Variants in TANC2 observed in about 807,000 individuals in gnomAD.
TANC2 encodes the protein tetratricopeptide repeat, ankyrin repeat and coiled-coil containing 2, also known as protein TANC2.
TANC2 carries 26 observed loss-of-function variants against 210.5 expected under a neutral mutation model. The ratio of observed to expected loss-of-function variants is 0.12; its 90% confidence interval spans 0.09 to 0.17. The LOEUF (loss-of-function observed/expected upper bound fraction) is 0.17, where lower values mean the gene tolerates loss of function less well. Among genes scored for constraint, TANC2 ranks in the 10% least tolerant of loss-of-function variants. The pLI is 1.00. For missense variants in TANC2, 2,129 were observed against 2,608.9 expected (o/e 0.82, Z 4.01); for synonymous variants, 931 against 967.1 (o/e 0.96, Z 0.69).
intron 7 of TANC2, among the ~76,000 whole-genome samples, chr17:63,217,856 G>GATA (rs1244162098): frequency 6.6e-6 from 1 of 152,106 alleles, no homozygotes; most frequent in East Asian, 1.9e-4. Flanking sequence ...ATATAAAAAG[G>GATA]ATAATGTCTC....
intron 1 of TANC2, among the ~76,000 whole-genome samples, chr17:63,006,674 C>T (rs955328788): frequency 3.3e-5 from 5 of 151,992 alleles, no homozygotes; most frequent in African/African-American, 1.2e-4. Flanking sequence ...AACATATGGT[C>T]CATTTTGGTA....
chr17:63,141,006 T>G (rs187929525), intron 4 of TANC2, among the ~76,000 whole-genome samples: 1 of 151,976 alleles, frequency 6.6e-6, no homozygotes, highest in Non-Finnish European at 1.5e-5. Flanking sequence ...TGCCTTGGCC[T>G]CCCAAAGTGC....
At chr17:63,014,733 T>C (rs1200433539) in intron 2 of TANC2, among the ~76,000 whole-genome samples, 2 of 152,200 alleles carry the variant, frequency 1.3e-5, no homozygotes, top group African/African-American at 4.8e-5. Context: ...TCCATACATG[T>C]TAAGGTTCTA....
At chr17:63,186,210 T>G (rs569686560) in intron 5 of TANC2, among the ~76,000 whole-genome samples, 1 of 152,314 alleles carries the variant, frequency 6.6e-6, no homozygotes, top group East Asian at 1.9e-4. Flanking sequence ...GGTGATTATA[T>G]ATAGAGAGAG....
intron 2 of TANC2, among the ~76,000 whole-genome samples, chr17:63,051,902 A>G (rs986834387): frequency 4.6e-5 from 7 of 152,194 alleles, no homozygotes; most frequent in African/African-American, 1.7e-4. Context: ...GGTTAGTTGT[A>G]TTATATGTAT....
intron 8 of TANC2, among the ~76,000 whole-genome samples, chr17:63,256,171 G>A (rs1443924545): frequency 6.6e-6 from 1 of 152,104 alleles, no homozygotes; most frequent in Non-Finnish European, 1.5e-5. Context: ...GCCTCCCAAA[G>A]TGCTAGGATT....
chr17:63,345,649 C>G (rs1051076059), intron 12 of TANC2, among the ~76,000 whole-genome samples: 1 of 150,484 alleles, frequency 6.6e-6, no homozygotes, highest in African/African-American at 2.5e-5. Flanking sequence ...ACACATAATC[C>G]CAGCAGAATT....
intron 3 of TANC2, among the ~76,000 whole-genome samples, chr17:63,082,030 G>T (rs1021913577): frequency 1.3e-5 from 2 of 152,046 alleles, no homozygotes; most frequent in African/African-American, 4.8e-5. Flanking sequence ...AGTTAGCTGG[G>T]CGTGGTGGCG....
intron 12 of TANC2, among the ~76,000 whole-genome samples, chr17:63,348,250 T>A (rs540138849): frequency 1.1e-3 from 167 of 152,336 alleles, no homozygotes; most frequent in Non-Finnish European, 2.0e-3. Context: ...TACTATCTCT[T>A]CTCTTGCAGT....
At chr17:63,423,081 A>G (rs2147444290) in exon 28 of TANC2, 1 of 152,278 alleles carries the variant, frequency 6.6e-6, no homozygotes, top group South Asian at 2.1e-4. Context: ...GAGTCCCAAT[A>G]TTTCCACCCA....
At chr17:63,289,954 A>G (rs780354928) in intron 9 of TANC2, among the ~76,000 whole-genome samples, 2 of 151,936 alleles carry the variant, frequency 1.3e-5, no homozygotes, top group Non-Finnish European at 2.9e-5. Flanking sequence ...CCCCCCCTTC[A>G]GTGGGAGAGG....
chr17:63,238,003 A>C, exon 8 of TANC2: 2 of 1,570,482 alleles, frequency 1.3e-6, no homozygotes, highest in Non-Finnish European at 1.7e-6. Flanking sequence ...CCAGAGAGAA[A>C]TTTGGAAACA....
chr17:63,072,371 C>G (rs1243736097), intron 2 of TANC2, among the ~76,000 whole-genome samples: 1 of 151,986 alleles, frequency 6.6e-6, no homozygotes, highest in Admixed American at 6.6e-5. Context: ...AGAGGCAGAT[C>G]AGCCATTCAG....
intron 4 of TANC2, among the ~76,000 whole-genome samples, chr17:63,109,727 G>A (rs2037962333): frequency 6.6e-6 from 1 of 151,740 alleles, no homozygotes; most frequent in South Asian, 2.1e-4. Context: ...AACAGTCTCT[G>A]TGTGAACACT....
At chr17:63,015,987 G>GGGGAGATACT (rs2034091307) in intron 2 of TANC2, among the ~76,000 whole-genome samples, 1 of 152,108 alleles carries the variant, frequency 6.6e-6, no homozygotes, top group Non-Finnish European at 1.5e-5. Flanking sequence ...TGGTGGGGGT[G>GGGGAGATACT]GGGAGATACT....
chr17:63,011,745 GT>G (rs992593502), intron 2 of TANC2, among the ~76,000 whole-genome samples: 2 of 151,696 alleles, frequency 1.3e-5, no homozygotes, highest in East Asian at 1.9e-4. Flanking sequence ...AGGACTCCAG[GT>G]TTTTTTTAAT....
At chr17:63,375,959 C>T (rs1598973514) in intron 14 of TANC2, among the ~76,000 whole-genome samples, 2 of 150,960 alleles carry the variant, frequency 1.3e-5, no homozygotes, top group African/African-American at 4.9e-5. Flanking sequence ...CATGGTGGCA[C>T]ATGCCTGTAA....
intron 2 of TANC2, among the ~76,000 whole-genome samples, chr17:63,032,777 A>C (rs1477449859): frequency 6.6e-6 from 1 of 152,008 alleles, no homozygotes; most frequent in African/African-American, 2.4e-5. Context: ...CAATTCTCCA[A>C]CTCTTCCAAA....
chr17:63,178,792 T>G (rs1008842656), intron 5 of TANC2, among the ~76,000 whole-genome samples: 1 of 151,974 alleles, frequency 6.6e-6, no homozygotes, highest in Admixed American at 6.5e-5. Flanking sequence ...ATTAAGAGAG[T>G]CTGGGGAACT....
Sources: gnomAD v4.1 joint callset for allele counts (sites outside exome capture counted in the v4.1 genomes callset) on GRCh38, gnomAD v4.1.1 for gene constraint, MANE v1.5 for transcripts, NCBI Gene and HGNC (gene_info 2026-07-23, HGNC 2026-07-21) for gene names.